The following ZNF804B variants were observed in gnomAD, a reference collection of about 807,000 sequenced individuals.
ZNF804B encodes zinc finger 804B.
ZNF804B carries 80 observed loss-of-function variants against 101.4 expected under a neutral mutation model. That is an observed-to-expected ratio of 0.79 (90% CI 0.66 to 0.95). The LOEUF is 0.95. Ranked by LOEUF, ZNF804B falls within the 40% of genes least tolerant of loss-of-function variation. The probability of loss-of-function intolerance (pLI) is 0.00; values close to 1 mark genes in which losing one functional copy is unlikely to be tolerated. For missense variants in ZNF804B, 1,673 were observed against 1,561.9 expected, an observed-to-expected ratio of 1.07 and a Z score of -1.20; for synonymous variants, 622 against 558.8, an observed-to-expected ratio of 1.11 and a Z score of -1.59.
At chr7:89,155,933 C>A (rs1790953032) in intron 1 of ZNF804B, among the ~76,000 whole-genome samples, 1 of 145,070 alleles carries the variant, frequency 6.9e-6, no homozygotes, top group South Asian at 2.3e-4. Flanking sequence ...CCTTGCTTTC[C>A]CTTTCTCTCC....
At chr7:89,323,247 G>C (rs375833400) in intron 2 of ZNF804B, among the ~76,000 whole-genome samples, 2 of 152,190 alleles carry the variant, frequency 1.3e-5, no homozygotes, top group African/African-American at 4.8e-5. Context: ...ATGTTTGTTA[G>C]CTAAGCCACC....
chr7:88,786,579 C>T (rs998378275), intron 1 of ZNF804B, among the ~76,000 whole-genome samples: 7 of 151,722 alleles, frequency 4.6e-5, no homozygotes, highest in Non-Finnish European at 7.4e-5. Flanking sequence ...TTTTTCTTTC[C>T]TAGGAGTTCC....
chr7:88,898,653 G>A lies in ZNF804B; in HGVS notation c.108+138569G>A, dbSNP rs893594016. Among the ~76,000 whole-genome samples the A allele has an allele frequency of 2.0e-5, 3 of 152,110 alleles. No individual in the cohort carries two copies. The East Asian group carries it at 5.8e-4, about 29-fold the overall frequency. On this transcript the variant is annotated intron_variant, in intron 1 of 3. Coordinates refer to ENST00000333190, the MANE Select transcript of ZNF804B (RefSeq NM_181646.5). ...TATTAACAGTATTTTCAACATCTCAGTCTTTACCTTCCCCTTGATATTGTC... is the reference window on the plus strand; with the variant it reads ...TATTAACAGTATTTTCAACATCTCAATCTTTACCTTCCCCTTGATATTGTC...
chr7:89,201,375 G>T (rs538538859), intron 1 of ZNF804B, among the ~76,000 whole-genome samples: 2 of 152,126 alleles, frequency 1.3e-5, no homozygotes, highest in Admixed American at 1.3e-4. Context: ...AATTCGAAGT[G>T]AACTCAGGAC....
At chr7:89,298,116 A>G (rs1790411489) in intron 2 of ZNF804B, among the ~76,000 whole-genome samples, 1 of 67,506 alleles carries the variant, frequency 1.5e-5, no homozygotes, top group African/African-American at 5.8e-5. Context: ...AAAGGCCTCT[A>G]TTTCATATAA....
chr7:89,337,115 A>G lies in ZNF804B; in HGVS notation c.*83A>G. 1 of 1,345,414 alleles carries G rather than the reference A, an allele frequency of 7.4e-7. No individual in the cohort carries two copies. Among genetic ancestry groups the G allele is most frequent in the South Asian group, 1.5e-5 (1 of 65,640 alleles). 83.3% of individuals were successfully genotyped at this position (1,345,414 alleles called of 1,614,324 possible). A position where few individuals can be genotyped will look rare whatever the true frequency, so the allele number is the denominator to read the frequency against. On this transcript the variant is annotated 3_prime_UTR_variant, in exon 4 of 4. Coordinates refer to ENST00000333190, the MANE Select transcript of ZNF804B (RefSeq NM_181646.5). Reference sequence around the variant, plus strand: ...ATACATTTAAAGAAGTCTGTCAATTATAAGATTTAAAATATTGCTGCCAAT... The same window carrying G: ...ATACATTTAAAGAAGTCTGTCAATTGTAAGATTTAAAATATTGCTGCCAAT...
intron 1 of ZNF804B, among the ~76,000 whole-genome samples, chr7:89,087,463 C>T (rs1269648583): frequency 6.6e-6 from 1 of 151,894 alleles, no homozygotes; most frequent in Non-Finnish European, 1.5e-5. Context: ...TAAATATTAA[C>T]ATTAATAACA....
intron 2 of ZNF804B, among the ~76,000 whole-genome samples, chr7:89,240,700 C>A (rs541975264): frequency 6.6e-6 from 1 of 151,934 alleles, no homozygotes; most frequent in Admixed American, 6.6e-5. Flanking sequence ...TTATCTTCAT[C>A]TTCCTTGGCT....
intron 1 of ZNF804B, chr7:88,795,096 A>G: frequency 3.5e-6 from 2 of 579,662 alleles, no homozygotes; most frequent in East Asian, 3.1e-5. Flanking sequence ...GTTACTAAAT[A>G]GTAAAATCCC....
At chr7:89,295,211 A>G (rs1183407151) in intron 2 of ZNF804B, among the ~76,000 whole-genome samples, 2 of 152,160 alleles carry the variant, frequency 1.3e-5, no homozygotes, top group African/African-American at 4.8e-5. Context: ...GAGAGTAATT[A>G]TCTGGGCCCA....
intron 1 of ZNF804B, among the ~76,000 whole-genome samples, chr7:89,189,829 A>G (rs983716669): frequency 6.6e-6 from 1 of 152,100 alleles, no homozygotes; most frequent in Non-Finnish European, 1.5e-5. Flanking sequence ...TGCTAACACA[A>G]CATCCACTCT....
At chr7:89,223,331 G>A (rs888828425) in intron 2 of ZNF804B, among the ~76,000 whole-genome samples, 1 of 151,784 alleles carries the variant, frequency 6.6e-6, no homozygotes, top group Non-Finnish European at 1.5e-5. Flanking sequence ...AATAATCTAT[G>A]AATACTCTTC....
intron 2 of ZNF804B, among the ~76,000 whole-genome samples, chr7:89,223,379 C>T (rs1027157035): frequency 2.4e-4 from 36 of 151,928 alleles, no homozygotes; most frequent in African/African-American, 7.0e-4. Flanking sequence ...TACTCAGGAT[C>T]CCACCGCTTA....
intron 1 of ZNF804B, among the ~76,000 whole-genome samples, chr7:88,952,730 A>G (rs531690442): frequency 2.6e-5 from 4 of 151,922 alleles, no homozygotes; most frequent in South Asian, 4.1e-4. Flanking sequence ...TATAATTCCC[A>G]TAGATGCCTT....
chr7:89,064,003 G>A lies in ZNF804B; in HGVS notation c.109-154152G>A, dbSNP rs141418193. Among the ~76,000 whole-genome samples the A allele has an allele frequency of 2.3e-3, 346 of 152,240 alleles. 2 individuals carry two copies. Among genetic ancestry groups the A allele is most frequent in the African/African-American group, 8.0e-3 (331 of 41,554 alleles). On this transcript the variant is annotated intron_variant, in intron 1 of 3. Coordinates refer to ENST00000333190, the MANE Select transcript of ZNF804B (RefSeq NM_181646.5). ...TAGTTTAGAGTTGGTGGTTGTGTCA[G>A]TGAAGCAGGTTGGGTTCTCGAGGAA...
At chr7:89,088,223 C>T (rs1212733763) in intron 1 of ZNF804B, among the ~76,000 whole-genome samples, 1 of 151,728 alleles carries the variant, frequency 6.6e-6, no homozygotes. Context: ...GAAATAAGGC[C>T]AAACTGAAAG....
chr7:89,210,531 G>C (rs956268616), intron 1 of ZNF804B, among the ~76,000 whole-genome samples: 1 of 152,034 alleles, frequency 6.6e-6, no homozygotes, highest in Non-Finnish European at 1.5e-5. Context: ...AGTATGTGTT[G>C]CTCTCCTCCC....
intron 1 of ZNF804B, among the ~76,000 whole-genome samples, chr7:89,058,788 G>C (rs1789333592): frequency 6.6e-6 from 1 of 152,118 alleles, no homozygotes; most frequent in African/African-American, 2.4e-5. Context: ...TGACCTCCCA[G>C]GCTCAGGTGA....
chr7:88,990,453 A>C (rs530920715), intron 1 of ZNF804B, among the ~76,000 whole-genome samples: 28 of 152,188 alleles, frequency 1.8e-4, no homozygotes, highest in Admixed American at 5.9e-4. Context: ...AGATTATCTC[A>C]TTTAATCCTC....
Sources: gnomAD v4.1 joint callset for allele counts (sites outside exome capture counted in the v4.1 genomes callset) on GRCh38, gnomAD v4.1.1 for gene constraint, MANE v1.5 for transcripts, NCBI Gene and HGNC (gene_info 2026-07-23, HGNC 2026-07-21) for gene names.